Variants in NAALADL2 observed in about 807,000 individuals in gnomAD.
NAALADL2 encodes N-acetylated alpha-linked acidic dipeptidase like 2.
A neutral mutation model predicts 87.2 loss-of-function variants in NAALADL2; 76 were observed. The observed-to-expected ratio is 0.87, with a 90% CI of 0.72 to 1.05. The LOEUF (loss-of-function observed/expected upper bound fraction) is 1.05, where lower values mean the gene tolerates loss of function less well. NAALADL2 is among the 50% of genes least tolerant of loss of function. NAALADL2 has a pLI of 0.00. For missense variants in NAALADL2, 1,089 were observed against 945.8 expected (o/e 1.15, Z -1.99); for synonymous variants, 354 against 331.0 (o/e 1.07, Z -0.75).
intron 3 of NAALADL2, among the ~76,000 whole-genome samples, chr3:174,748,730 G>A (rs974860983): frequency 6.6e-6 from 1 of 152,114 alleles, no homozygotes; most frequent in Non-Finnish European, 1.5e-5. Flanking sequence ...ACCAGGGTGA[G>A]CATTTTTTCA....
chr3:174,831,645 C>T (rs1054186360), intron 3 of NAALADL2, among the ~76,000 whole-genome samples: 3 of 151,008 alleles, frequency 2.0e-5, no homozygotes, highest in African/African-American at 7.3e-5. Context: ...GGAGGATTCC[C>T]TCGTTTTCTA....
intron 3 of NAALADL2, among the ~76,000 whole-genome samples, chr3:174,770,338 G>A (rs1714377577): frequency 1.3e-5 from 2 of 152,192 alleles, no homozygotes; most frequent in Non-Finnish European, 2.9e-5. Flanking sequence ...ATATAAAGAT[G>A]TTAAATTGGT....
chr3:175,627,370 A>G lies in NAALADL2; in HGVS notation c.1880A>G (p.His627Arg). 1 of 1,558,800 alleles carries G rather than the reference A, an allele frequency of 6.4e-7. No homozygotes were observed. Among genetic ancestry groups the G allele is most frequent in the Middle Eastern group, 2.0e-4 (1 of 5,038 alleles). ...GAAATGGATCCCTCTTTCAACCTTC[A>G]TGAAACCATTACTAAGGTAGGGGAG... is the stretch of plus-strand genomic sequence containing the variant. Reference protein sequence around the residue: ...IEEMDPSFNLHETITKLSGEV... With the variant: ...IEEMDPSFNLRETITKLSGEV... Residue 627 changes from histidine to arginine, a missense_variant, in exon 11 of 14, where the codon CAT becomes CGT. Coordinates refer to ENST00000454872, the MANE Select transcript of NAALADL2 (RefSeq NM_207015.3).
chr3:174,467,406 A>C lies in NAALADL2; in HGVS notation c.-184+26374A>C, dbSNP rs1716601713. 5.9e-5 allele frequency among the ~76,000 whole-genome samples: 9 copies of C among 151,986 alleles called. No homozygotes were observed. The South Asian group carries it at 1.9e-3, about 32-fold the overall frequency. On this transcript the variant is annotated intron_variant, in intron 1 of 3. Coordinates refer to the NAALADL2 transcript ENST00000434257. ...TCAGGAATTTGAGACCAGCCTGGCC[A>C]ACATGGTGAAACCCCGTGGCTACTA...
chr3:175,070,448 C>G (rs1281226450), intron 1 of NAALADL2, among the ~76,000 whole-genome samples: 3 of 152,010 alleles, frequency 2.0e-5, no homozygotes, highest in Non-Finnish European at 2.9e-5. Context: ...GGACTTGTCT[C>G]AAAGTGTCTT....
chr3:175,128,286 A>C (rs941653913), intron 2 of NAALADL2, among the ~76,000 whole-genome samples: 1 of 152,328 alleles, frequency 6.6e-6, no homozygotes, highest in East Asian at 1.9e-4. Context: ...ATCTTTCTTT[A>C]GAAAGAAAAA....
At chr3:175,556,716 G>A (rs1322315118) in intron 9 of NAALADL2, among the ~76,000 whole-genome samples, 1 of 152,166 alleles carries the variant, frequency 6.6e-6, no homozygotes, top group East Asian at 1.9e-4. Context: ...TTTCTCTGAA[G>A]TTTAAAAACT....
chr3:175,614,505 A>C (rs182327332), intron 10 of NAALADL2, among the ~76,000 whole-genome samples: 1 of 152,342 alleles, frequency 6.6e-6, no homozygotes, highest in Non-Finnish European at 1.5e-5. Flanking sequence ...ACATTCTAGC[A>C]GGTAGTATTT....
intron 1 of NAALADL2, among the ~76,000 whole-genome samples, chr3:174,465,409 T>C (rs985133220): frequency 1.3e-5 from 2 of 152,218 alleles, no homozygotes; most frequent in Non-Finnish European, 2.9e-5. Context: ...TCACTTATGT[T>C]TACTGAATGA....
intron 8 of NAALADL2, among the ~76,000 whole-genome samples, chr3:175,467,674 C>A (rs1181661317): frequency 6.6e-6 from 1 of 152,094 alleles, no homozygotes; most frequent in African/African-American, 2.4e-5. Context: ...TTTACCACTC[C>A]ACTCTTTCAC....
chr3:175,053,841 C>T (rs1297598358), intron 1 of NAALADL2, among the ~76,000 whole-genome samples: 1 of 152,136 alleles, frequency 6.6e-6, no homozygotes, highest in African/African-American at 2.4e-5. Context: ...CATTTGAGAC[C>T]AGAGGCATTA....
At chr3:174,773,259 A>G (rs764610088) in intron 3 of NAALADL2, among the ~76,000 whole-genome samples, 55 of 152,166 alleles carry the variant, frequency 3.6e-4, no homozygotes, top group Non-Finnish European at 2.9e-4. Flanking sequence ...TCCTTGGAAT[A>G]AAGACAATAT....
chr3:175,579,469 C>G (rs2149569184), intron 10 of NAALADL2, among the ~76,000 whole-genome samples: 1 of 152,266 alleles, frequency 6.6e-6, no homozygotes, highest in South Asian at 2.1e-4. Context: ...CATAAAATTG[C>G]TTAAAACACC....
chr3:174,966,359 G>T (rs1156539547), intron 1 of NAALADL2, among the ~76,000 whole-genome samples: 1 of 152,044 alleles, frequency 6.6e-6, no homozygotes, highest in African/African-American at 2.4e-5. Flanking sequence ...TTTGTATTTT[G>T]AAATGGTTAT....
chr3:175,313,787 G>A (rs1011907520), intron 4 of NAALADL2, among the ~76,000 whole-genome samples: 28 of 152,044 alleles, frequency 1.8e-4, no homozygotes, highest in African/African-American at 5.6e-4. Flanking sequence ...AAAGTGGTCC[G>A]GGCATGGTGG....
intron 2 of NAALADL2, among the ~76,000 whole-genome samples, chr3:174,615,532 A>C (rs1258523856): frequency 6.6e-6 from 1 of 152,184 alleles, no homozygotes; most frequent in Non-Finnish European, 1.5e-5. Flanking sequence ...GTATTAAGGA[A>C]GATTTTTTTA....
chr3:174,852,899 A>G lies in NAALADL2; in HGVS notation c.-9+115153A>G, dbSNP rs988898007. Among the ~76,000 whole-genome samples the G allele has an allele frequency of 8.5e-5, 13 of 152,250 alleles. No individual in the cohort carries two copies. The East Asian group carries it at 1.9e-3, about 23-fold the overall frequency. ...GCAGAATAAACAAAACCCAGGGATA[A>G]ATCCATACATATACCACAAACTGAT... On this transcript the variant is annotated intron_variant, in intron 3 of 3. Transcript: ENST00000434257.
intron 1 of NAALADL2, among the ~76,000 whole-genome samples, chr3:174,923,212 A>T (rs147385395): frequency 1.7e-4 from 26 of 152,304 alleles, no homozygotes; most frequent in African/African-American, 5.3e-4. Context: ...CCAATTTTTC[A>T]TCTTAAGCTC....
chr3:175,516,471 C>T (rs1030641141), intron 9 of NAALADL2, among the ~76,000 whole-genome samples: 27 of 152,170 alleles, frequency 1.8e-4, no homozygotes, highest in Non-Finnish European at 7.3e-5. Flanking sequence ...TCCAAATGTG[C>T]ACTGTTAGTT....
Sources: allele counts gnomAD v4.1 joint callset (sites outside exome capture counted in the v4.1 genomes callset), GRCh38; gene constraint gnomAD v4.1.1; transcripts MANE v1.5; gene names NCBI Gene and HGNC (gene_info 2026-07-23, HGNC 2026-07-21).